NOTCH2: variants seen among roughly 807,000 people sequenced by gnomAD.
The protein encoded by NOTCH2 is neurogenic locus notch homolog protein 2.
Under a neutral mutation model 235.8 loss-of-function variants are expected in NOTCH2, and 29 were observed. The ratio of observed to expected loss-of-function variants is 0.12; its 90% CI spans 0.09 to 0.17. NOTCH2 has a LOEUF of 0.17. Ranked by LOEUF, NOTCH2 falls within the 10% of genes least tolerant of loss-of-function variation. The probability of loss-of-function intolerance (pLI) is 1.00; values close to 1 mark genes in which losing one functional copy is unlikely to be tolerated. For missense variants in NOTCH2, 2,285 were observed against 3,150.2 expected, an observed-to-expected ratio of 0.73 and a Z score of 6.57; for synonymous variants, 1,086 against 1,141.5, an observed-to-expected ratio of 0.95 and a Z score of 0.98.
chr1:120,069,378 CA>C lies in NOTCH2; in HGVS notation c.28del (p.Trp10GlyfsTer27), dbSNP rs1204198268. 1 of 1,565,706 alleles carries C rather than the reference CA, an allele frequency of 6.4e-7. No individual in the cohort carries two copies. Among genetic ancestry groups the C allele is most frequent in the Non-Finnish European group, 8.6e-7 (1 of 1,164,402 alleles). On this transcript the variant is annotated frameshift_variant, in exon 1 of 34. Coordinates refer to ENST00000256646, the MANE Select transcript of NOTCH2 (RefSeq NM_024408.4). LOFTEE classifies it high-confidence loss of function. MPALRPALL[W>X]ALLALWLCCA... ...GCACAGCCAGAGCGCCAGCAGCGCCCACAGCAGAGCGGGGCGCAGGGCGGGC... is the reference window on the plus strand; with the variant it reads ...GCACAGCCAGAGCGCCAGCAGCGCCCCAGCAGAGCGGGGCGCAGGGCGGGC...
intron 22 of NOTCH2, among the ~76,000 whole-genome samples, chr1:119,929,569 AAC>A (rs1553194859): frequency 6.6e-6 from 1 of 152,240 alleles, no homozygotes. Context: ...AAAATATAAA[AAC>A]AGTCCAAAAA....
intron 12 of NOTCH2, among the ~76,000 whole-genome samples, chr1:119,957,459 T>A (rs1453846051): frequency 6.6e-6 from 1 of 152,152 alleles, no homozygotes; most frequent in African/African-American, 2.4e-5. Context: ...AAAAATCCCC[T>A]TTAAAGCTGT....
rs1220089886 is a variant in NOTCH2, at chr1:120,041,071, AATATATAT to A, written c.74-11092_74-11085del. ...AAAAAAAAAAAAAAAAAAAAAAAAAAATATATATATATATATATATTCCTGAACTTCAA... is the reference window on the plus strand; with the variant it reads ...AAAAAAAAAAAAAAAAAAAAAAAAAAATATATATATATTCCTGAACTTCAA... On this transcript the variant is annotated intron_variant, in intron 1 of 33. Transcript: ENST00000256646. 2.6e-5 allele frequency among the ~76,000 whole-genome samples: 2 copies of A among 77,374 alleles called. 1 individual carries two copies. The highest frequency in any genetic ancestry group is 3.0e-4 in the African/African-American group (2 of 6,648). The allele number at this position is 77,374 out of a possible 152,430, so 50.8% of individuals were successfully genotyped here.
At chr1:119,935,650 G>A in intron 21 of NOTCH2, 46 bp from the exon 22 acceptor site, 1 of 1,607,456 alleles carries the variant, frequency 6.2e-7, no homozygotes, top group East Asian at 2.2e-5. Flanking sequence ...GACCATTACT[G>A]GAAACAGACC....
chr1:120,000,178 A>G (rs1443293892), intron 3 of NOTCH2, among the ~76,000 whole-genome samples: 1 of 151,958 alleles, frequency 6.6e-6, no homozygotes, highest in East Asian at 1.9e-4. Context: ...ACAAAAACCA[A>G]AAGGATGACT....
intron 17 of NOTCH2, among the ~76,000 whole-genome samples, chr1:119,942,051 C>T (rs1174051211): frequency 1.3e-5 from 2 of 152,138 alleles, no homozygotes; most frequent in Non-Finnish European, 2.9e-5. Context: ...ATATGTGCCC[C>T]AATACACAGA....
rs1650363387 is a variant in NOTCH2, at chr1:119,949,046, A to G, written c.2560T>C (p.Phe854Leu). 10 of 1,614,178 alleles carry G rather than the reference A, an allele frequency of 6.2e-6. No homozygotes were observed. Among genetic ancestry groups the G allele is most frequent in the Non-Finnish European group, 8.5e-6 (10 of 1,180,016 alleles). ...NAAVCKESPN[F>L]ESYTCLCAPG... Reference sequence around the variant, plus strand: ...GCACACAAGCAAGTATAACTCTCAAAATTTGGTGACTCTTTGCAAACAGCA... The same window carrying G: ...GCACACAAGCAAGTATAACTCTCAAGATTTGGTGACTCTTTGCAAACAGCA... The change falls in exon 16 of 34, where the codon TTT becomes CTT. Residue 854 changes from phenylalanine to leucine, a missense_variant. Transcript: ENST00000256646.
In NOTCH2 at chr1:119,953,508, A is replaced by G. The variant is rs782049062; in HGVS notation, c.2365+35T>C. The G allele has an allele frequency of 1.1e-5, 17 of 1,611,986 alleles. No individual in the cohort carries two copies. In the East Asian group the frequency reaches 3.3e-4, roughly 32 times the overall value. On this transcript the variant is annotated intron_variant, in intron 14 of 33. Transcript: ENST00000256646. ...GCAGTATGCAACAACAAGAAGACAA[A>G]GAGCAGACGCAGAAAGATGTACTTT...
chr1:119,980,929 C>G (rs758868918), intron 5 of NOTCH2, among the ~76,000 whole-genome samples: 2 of 152,158 alleles, frequency 1.3e-5, no homozygotes, highest in Non-Finnish European at 1.5e-5. Flanking sequence ...CCTTTTCTCA[C>G]TTTCCTTCTT....
rs587706565 is a variant in NOTCH2, at chr1:119,999,739, G to A, written c.416-2407C>T. Among the ~76,000 whole-genome samples, 102 of 152,124 alleles carry A rather than the reference G, an allele frequency of 6.7e-4. 1 individual carries two copies. The highest frequency in any genetic ancestry group is 6.8e-3 in the Middle Eastern group (2 of 294). On this transcript the variant is annotated intron_variant, in intron 3 of 33. Coordinates refer to ENST00000256646, the MANE Select transcript of NOTCH2 (RefSeq NM_024408.4). ...TTTTCTAAAAATACAAAAATTAGCC[G>A]GGCTTTATGGCGCATGCCTGTAATC... is the stretch of plus-strand genomic sequence containing the variant.
chr1:119,965,590 T>A, intron 9 of NOTCH2, 24 bp from the exon 10 acceptor site: 1 of 1,458,522 alleles, frequency 6.9e-7, no homozygotes, highest in East Asian at 2.3e-5. Flanking sequence ...AGTGGTAACA[T>A]GAGTCAAAGG....
At chr1:119,966,885 G>C (rs782620687) in intron 8 of NOTCH2, among the ~76,000 whole-genome samples, 1 of 152,178 alleles carries the variant, frequency 6.6e-6, no homozygotes, top group African/African-American at 2.4e-5. Flanking sequence ...GGTCAGCAGT[G>C]CCTTTCAAGG....
At chr1:119,965,303 A>C in intron 10 of NOTCH2, 150 bp downstream of exon 10, 1 of 766,658 alleles carries the variant, frequency 1.3e-6, no homozygotes, top group Non-Finnish European at 2.4e-6. Flanking sequence ...AGAGAGCAGC[A>C]AAAAATTTGT....
intron 15 of NOTCH2, among the ~76,000 whole-genome samples, chr1:119,949,383 CTTTTTTTTTTT>C (rs1175930294): frequency 7.1e-5 from 8 of 112,730 alleles, no homozygotes; most frequent in African/African-American, 2.3e-4. Context: ...ACTACTATTT[CTTTTTTTTTTT>C]TTTTTTTTTT....
intron 29 of NOTCH2, among the ~76,000 whole-genome samples, chr1:119,921,060 A>C (rs1199260980): frequency 6.6e-6 from 1 of 152,230 alleles, no homozygotes; most frequent in Non-Finnish European, 1.5e-5. Flanking sequence ...AATTACAAAG[A>C]GGTTAAGTAA....
chr1:120,014,833 TTG>T (rs1374814385), intron 2 of NOTCH2, among the ~76,000 whole-genome samples: 2 of 124,994 alleles, frequency 1.6e-5, no homozygotes, highest in African/African-American at 6.1e-5. Context: ...GTGTAGCAGC[TTG>T]TGTCAGCTCC....
Position 119,922,410 on chromosome 1 carries a change from T to G in NOTCH2, c.5039A>C (p.Tyr1680Ser), listed in dbSNP as rs1238982700. 1 of 1,613,862 alleles carries G rather than the reference T, an allele frequency of 6.2e-7. No individual in the cohort carries two copies. Among genetic ancestry groups the G allele is most frequent in the East Asian group, 2.2e-5 (1 of 44,880 alleles). ...GATGACAACAGCAACAGCAAGGAGA[T>G]AGAGGAGCTGAGTGCGTTCTGGAGT... ...SLTPERTQLL[Y>S]LLAVAVVIIL... is the part of the protein sequence containing the mutation. The change falls in exon 28 of 34, where the codon TAT becomes TCT. Residue 1680 changes from tyrosine to serine, a missense_variant. By Grantham distance (144) the Tyr-to-Ser change is moderately radical. Transcript: ENST00000256646.
chr1:119,935,438 C>A (rs2101182229), intron 22 of NOTCH2, 34 bp downstream of exon 22: 1 of 1,613,956 alleles, frequency 6.2e-7, no homozygotes, highest in Non-Finnish European at 8.5e-7. Context: ...AAGACAATGC[C>A]CTGGATGGAA....
intron 5 of NOTCH2, among the ~76,000 whole-genome samples, chr1:119,976,836 T>C (rs1001318380): frequency 1.1e-4 from 17 of 152,098 alleles, no homozygotes; most frequent in Non-Finnish European, 2.4e-4. Flanking sequence ...GCACACGTTA[T>C]TCCTTGTGCC....
Sources: gnomAD v4.1 joint callset for allele counts (sites outside exome capture counted in the v4.1 genomes callset) on GRCh38, gnomAD v4.1.1 for gene constraint, MANE v1.5 for transcripts, NCBI Gene and HGNC (gene_info 2026-07-23, HGNC 2026-07-21) for gene names.